PTK2: variants seen among roughly 807,000 people sequenced by gnomAD.
PTK2 encodes focal adhesion kinase 1.
Under a neutral mutation model 150.1 loss-of-function variants are expected in PTK2, and 45 were observed. The ratio of observed to expected loss-of-function variants is 0.30; its 90% CI spans 0.24 to 0.38. The LOEUF (loss-of-function observed/expected upper bound fraction) is 0.38. Ranked by LOEUF, PTK2 falls within the 10% of genes least tolerant of loss-of-function variation. The pLI, the probability that PTK2 is intolerant of heterozygous loss-of-function variation, is 1.00. For synonymous variants in PTK2, 432 were observed against 449.2 expected (o/e 0.96, Z 0.48); for missense variants, 919 against 1,307.3 (o/e 0.70, Z 4.58).
intron 28 of PTK2, among the ~76,000 whole-genome samples, chr8:140,675,157 G>A (rs2100012874): frequency 6.7e-6 from 1 of 150,234 alleles, no homozygotes; most frequent in Non-Finnish European, 1.5e-5. Context: ...ATTCTAAGGA[G>A]GCATTTCTTT....
chr8:140,859,755 C>T (rs1462298331), intron 5 of PTK2, among the ~76,000 whole-genome samples: 1 of 137,538 alleles, frequency 7.3e-6, no homozygotes, highest in African/African-American at 2.6e-5. Flanking sequence ...CCCCCCCTCC[C>T]GCCCACCCCC....
intron 2 of PTK2, among the ~76,000 whole-genome samples, chr8:140,905,629 A>G (rs2100160580): frequency 6.6e-6 from 1 of 152,148 alleles, no homozygotes; most frequent in South Asian, 2.1e-4. Flanking sequence ...GACAGAAGAT[A>G]AACACGGATA....
At chr8:140,687,621 G>C (rs1564385618) in intron 26 of PTK2, among the ~76,000 whole-genome samples, 1 of 152,210 alleles carries the variant, frequency 6.6e-6, no homozygotes, top group Non-Finnish European at 1.5e-5. Context: ...GTGGGGGATG[G>C]AGAAATGAGC....
At chr8:140,927,975 A>AAAAAGAAAAAAAAAAAAAT in intron 1 of PTK2, among the ~76,000 whole-genome samples, 1 of 48,198 alleles carries the variant, frequency 2.1e-5, no homozygotes. Flanking sequence ...AAAAAAAAAA[A>AAAAAGAAAAAAAAAAAAAT]ATATATATAT....
At chr8:140,684,674 T>C (rs1216067216) in intron 27 of PTK2, among the ~76,000 whole-genome samples, 7 of 152,026 alleles carry the variant, frequency 4.6e-5, no homozygotes, top group Non-Finnish European at 7.4e-5. Flanking sequence ...ATCTCTACAA[T>C]AAGAATTACA....
chr8:140,705,502 T>G (rs2100033191), intron 24 of PTK2, among the ~76,000 whole-genome samples: 1 of 152,182 alleles, frequency 6.6e-6, no homozygotes, highest in Non-Finnish European at 1.5e-5. Flanking sequence ...ACAAAGGAAC[T>G]GCCGGGGTCA....
chr8:140,818,134 G>T, intron 10 of PTK2, 143 bp downstream of exon 10: 1 of 702,994 alleles, frequency 1.4e-6, no homozygotes, highest in Non-Finnish European at 2.4e-6. Context: ...TCTCTTACTT[G>T]TCCCCCACTC....
intron 14 of PTK2, among the ~76,000 whole-genome samples, chr8:140,766,626 A>AG (rs1236606228): frequency 3.3e-5 from 5 of 152,204 alleles, no homozygotes; most frequent in Non-Finnish European, 7.4e-5. Flanking sequence ...AGCACAGAGA[A>AG]GGTCCCTCAA....
intron 30 of PTK2, among the ~76,000 whole-genome samples, chr8:140,666,766 G>C (rs2092200663): frequency 6.6e-6 from 1 of 152,184 alleles, no homozygotes; most frequent in Non-Finnish European, 1.5e-5. Context: ...GCAATTCTGA[G>C]TATACACTCA....
At chr8:140,700,596 G>A (rs991550960) in intron 26 of PTK2, among the ~76,000 whole-genome samples, 2 of 151,138 alleles carry the variant, frequency 1.3e-5, no homozygotes, top group African/African-American at 4.9e-5. Flanking sequence ...CGATTCTCCT[G>A]CCTCAGCCTC....
chr8:140,853,730 G>C (rs1224121788), intron 5 of PTK2, among the ~76,000 whole-genome samples: 1 of 152,060 alleles, frequency 6.6e-6, no homozygotes, highest in Non-Finnish European at 1.5e-5. Context: ...GAGTGAAAAA[G>C]GGAGAAGAAA....
At chr8:140,957,746 A>C (rs569576264) in intron 1 of PTK2, among the ~76,000 whole-genome samples, 1 of 152,318 alleles carries the variant, frequency 6.6e-6, no homozygotes, top group East Asian at 1.9e-4. Context: ...CTGTGTTACA[A>C]CTGCCTACAA....
chr8:140,834,572 C>A (rs1455824291), intron 7 of PTK2, among the ~76,000 whole-genome samples: 1 of 152,150 alleles, frequency 6.6e-6, no homozygotes, highest in Non-Finnish European at 1.5e-5. Flanking sequence ...AGGCTGTATT[C>A]ATTTACTCCC....
At chr8:140,824,724 T>C (rs2100110854) in intron 8 of PTK2, among the ~76,000 whole-genome samples, 1 of 152,222 alleles carries the variant, frequency 6.6e-6, no homozygotes, top group African/African-American at 2.4e-5. Flanking sequence ...AAAATCTGTG[T>C]AGAATCTCTG....
At chr8:140,729,369 G>T (rs1340001586) in intron 22 of PTK2, among the ~76,000 whole-genome samples, 1 of 152,224 alleles carries the variant, frequency 6.6e-6, no homozygotes, top group Non-Finnish European at 1.5e-5. Context: ...GCTCTGATTT[G>T]CTTGAAGTCA....
At chr8:140,988,859 C>T (rs2100194438) in intron 1 of PTK2, among the ~76,000 whole-genome samples, 2 of 151,586 alleles carry the variant, frequency 1.3e-5, no homozygotes, top group South Asian at 4.2e-4. Context: ...TAGATGTCCA[C>T]ATATTAAAAT....
intron 1 of PTK2, among the ~76,000 whole-genome samples, chr8:140,980,538 T>C (rs1417822847): frequency 6.6e-6 from 1 of 151,844 alleles, no homozygotes; most frequent in Non-Finnish European, 1.5e-5. Flanking sequence ...AAGAGAATGG[T>C]GTGAACCCGG....
intron 1 of PTK2, among the ~76,000 whole-genome samples, chr8:140,942,627 C>CGTGTGT (rs975180917): frequency 1.4e-4 from 8 of 55,358 alleles, no homozygotes; most frequent in Non-Finnish European, 5.7e-4. Context: ...TGAGTGCGTG[C>CGTGTGT]GTGTGTGTGT....
chr8:140,805,815 T>A (rs555502527), intron 10 of PTK2, among the ~76,000 whole-genome samples: 1 of 152,200 alleles, frequency 6.6e-6, no homozygotes, highest in Non-Finnish European at 1.5e-5. Context: ...TACTATATAA[T>A]GTCCCTACCT....
Sources: allele counts gnomAD v4.1 joint callset (sites outside exome capture counted in the v4.1 genomes callset), GRCh38; gene constraint gnomAD v4.1.1; transcripts MANE v1.5; gene names NCBI Gene and HGNC (gene_info 2026-07-23, HGNC 2026-07-21).